Variants in PALD1 observed in about 807,000 individuals in gnomAD.
PALD1 encodes phosphatase domain containing paladin 1, also known as paladin.
PALD1 carries 57 observed loss-of-function variants against 96.0 expected under a neutral mutation model. The observed-to-expected ratio is 0.59, with a 90% CI of 0.48 to 0.74. The LOEUF (loss-of-function observed/expected upper bound fraction) is 0.74. PALD1 is among the 30% of genes least tolerant of loss of function. PALD1 has a pLI of 0.00. For missense variants in PALD1, 1,063 were observed against 1,143.7 expected, an observed-to-expected ratio of 0.93 and a Z score of 1.02; for synonymous variants, 464 against 473.6, an observed-to-expected ratio of 0.98 and a Z score of 0.26.
At chr10:70,555,163 C>T (rs1341501977) in intron 18 of PALD1, among the ~76,000 whole-genome samples, 1 of 149,208 alleles carries the variant, frequency 6.7e-6, no homozygotes, top group East Asian at 2.0e-4. Flanking sequence ...TTACTAGAGC[C>T]GGGGTTTTGC....
At position 70,534,452 on chromosome 10, in the gene PALD1, G is replaced by A. The variant is rs750397642; in HGVS notation, c.1050G>A (p.Leu350=). 5.6e-6 allele frequency: 9 copies of A among 1,612,342 alleles called. No individual in the cohort carries two copies. In the Admixed American group the frequency reaches 1.3e-4, roughly 24 times the overall value. ...PEAAPTQAKP[L]PMEQFQVIQS... ...CTGCCCCCACGCAGGCCAAGCCCCT[G>A]CCTATGGAGCAGTTCCAGGTGATCC... is the stretch of plus-strand genomic sequence containing the variant. The change falls in exon 9 of 20, where the codon CTG becomes CTA. Residue 350 remains leucine (L), a synonymous_variant. Coordinates refer to ENST00000263563, the MANE Select transcript of PALD1 (RefSeq NM_014431.3).
the PALD1 span, among the ~76,000 whole-genome samples, chr10:70,465,253 C>T: frequency 2.6e-5 from 4 of 152,016 alleles, no homozygotes; most frequent in Non-Finnish European, 4.4e-5. Flanking sequence ...GGATTACAGG[C>T]GTGAGCCACC....
intron 1 of PALD1, among the ~76,000 whole-genome samples, chr10:70,490,027 A>AT (rs1846074621): frequency 6.6e-6 from 1 of 151,780 alleles, no homozygotes; most frequent in Non-Finnish European, 1.5e-5. Context: ...GGTTCAAGCG[A>AT]TTCTCCTGCC....
chr10:70,473,360 A>C, the PALD1 span, among the ~76,000 whole-genome samples: 4 of 152,230 alleles, frequency 2.6e-5, no homozygotes, highest in African/African-American at 9.6e-5. Context: ...AGAGTCAGGC[A>C]CATAGTGGGC....
chr10:70,536,917 G>C (rs1016331494), intron 10 of PALD1, among the ~76,000 whole-genome samples: 6 of 152,210 alleles, frequency 3.9e-5, no homozygotes, highest in African/African-American at 1.4e-4. Flanking sequence ...CCCCCATGCA[G>C]AGGAAGCTGG....
chr10:70,557,930 CTTTTTTTTTT>C (rs781513750), intron 18 of PALD1, among the ~76,000 whole-genome samples: 1 of 92,882 alleles, frequency 1.1e-5, no homozygotes, highest in East Asian at 2.6e-4. Flanking sequence ...TTGGCTCTTC[CTTTTTTTTTT>C]TTTTTTTTTT....
chr10:70,564,350 G>T lies in PALD1; in HGVS notation c.2263-14G>T. 6.2e-7 allele frequency: 1 copy of T among 1,609,172 alleles called. No individual in the cohort carries two copies. The highest frequency in any genetic ancestry group is 8.5e-7 in the Non-Finnish European group (1 of 1,177,598). ...GATCCCCCCACACTGACCCCACCCTGTCCTGTCCTCCAGGCGAAGGCAGCG... is the reference window on the plus strand; with the variant it reads ...GATCCCCCCACACTGACCCCACCCTTTCCTGTCCTCCAGGCGAAGGCAGCG... On this transcript the variant is annotated splice_polypyrimidine_tract_variant and intron_variant, in intron 18 of 19. Coordinates refer to ENST00000263563, the MANE Select transcript of PALD1 (RefSeq NM_014431.3).
At chr10:70,501,987 A>G (rs1846308411) in intron 1 of PALD1, among the ~76,000 whole-genome samples, 1 of 151,962 alleles carries the variant, frequency 6.6e-6, no homozygotes, top group Admixed American at 6.6e-5. Flanking sequence ...ATAAGCTGCT[A>G]TTTCATTCGA....
chr10:70,497,658 C>T (rs935528680), intron 1 of PALD1, among the ~76,000 whole-genome samples: 1 of 151,956 alleles, frequency 6.6e-6, no homozygotes, highest in South Asian at 2.1e-4. Flanking sequence ...CCTCTGCCTC[C>T]CGAGTTCAAG....
In PALD1 at chr10:70,501,834, T is replaced by TGCGCGC. The variant is rs1554854861; in HGVS notation, c.-30+22778_-30+22779insCGCGCG. Among the ~76,000 whole-genome samples, 55 of 149,500 alleles carry TGCGCGC rather than the reference T, an allele frequency of 3.7e-4. 1 individual carries two copies. The highest frequency in any genetic ancestry group is 1.3e-3 in the African/African-American group (52 of 40,680). On this transcript the variant is annotated intron_variant, in intron 1 of 19. Coordinates refer to ENST00000263563, the MANE Select transcript of PALD1 (RefSeq NM_014431.3). ...TACTCTGTGTGTGTGTGTGTGTGTG[T>TGCGCGC]GCGTGCGTGCATGCATACCTGTGTT...
At chr10:70,544,570 C>T (rs1847321513) in intron 17 of PALD1, among the ~76,000 whole-genome samples, 1 of 151,914 alleles carries the variant, frequency 6.6e-6, no homozygotes. Context: ...TTGAGGGCTC[C>T]TGGATGTGGG....
chr10:70,478,342 C>T (rs1329122199), upstream of PALD1, among the ~76,000 whole-genome samples: 4 of 152,190 alleles, frequency 2.6e-5, no homozygotes, highest in Non-Finnish European at 5.9e-5. Flanking sequence ...GGGCTCGGTC[C>T]CGCCGAGGCT....
intron 1 of PALD1, among the ~76,000 whole-genome samples, chr10:70,509,340 T>C (rs1589185804): frequency 6.6e-6 from 1 of 152,292 alleles, no homozygotes; most frequent in Admixed American, 6.5e-5. Context: ...TCTGGCCTGT[T>C]TTTTCACCTG....
At chr10:70,536,712 C>T (rs975758829) in intron 10 of PALD1, among the ~76,000 whole-genome samples, 6 of 152,204 alleles carry the variant, frequency 3.9e-5, no homozygotes, top group African/African-American at 9.7e-5. Context: ...GAGTATTTAC[C>T]GTCTGGCCCT....
intron 1 of PALD1, among the ~76,000 whole-genome samples, chr10:70,490,509 A>G (rs191338581): frequency 2.1e-4 from 32 of 152,306 alleles, no homozygotes; most frequent in African/African-American, 6.7e-4. Context: ...CATTATTCTT[A>G]CTGTAATATA....
intron 2 of PALD1, 59 bp from the exon 3 acceptor site, chr10:70,529,170 C>G: frequency 1.5e-6 from 1 of 682,158 alleles, no homozygotes; most frequent in Non-Finnish European, 2.6e-6. Flanking sequence ...GTGGAGCTGG[C>G]CTTGACCAAG....
chr10:70,561,381 T>TTGA (rs1847735098), intron 18 of PALD1, among the ~76,000 whole-genome samples: 1 of 152,256 alleles, frequency 6.6e-6, no homozygotes, highest in African/African-American at 2.4e-5. Context: ...AGAAAATGTT[T>TTGA]TGAAATAGGC....
chr10:70,535,383 C>T (rs1847089057), intron 10 of PALD1, among the ~76,000 whole-genome samples: 1 of 147,736 alleles, frequency 6.8e-6, no homozygotes, highest in South Asian at 2.3e-4. Context: ...CCTCCTCCTT[C>T]TCCTCCCCCC....
upstream of PALD1, among the ~76,000 whole-genome samples, chr10:70,475,040 A>T (rs4747032): frequency 0.8 from 122,490 of 152,216 alleles, 50,843 homozygotes; most frequent in East Asian, 0.93. Context: ...CAGGAACAGC[A>T]GTCATCAGTA....
Sources: allele counts gnomAD v4.1 joint callset (sites outside exome capture counted in the v4.1 genomes callset), GRCh38; gene constraint gnomAD v4.1.1; transcripts MANE v1.5; gene names NCBI Gene and HGNC (gene_info 2026-07-23, HGNC 2026-07-21).